SMC5: variants seen among roughly 807,000 people sequenced by gnomAD.
SMC5 encodes the protein structural maintenance of chromosomes protein 5.
Under a neutral mutation model 148.3 loss-of-function variants are expected in SMC5, and 88 were observed. That is an observed-to-expected ratio of 0.59 (90% CI 0.50 to 0.71). The LOEUF (loss-of-function observed/expected upper bound fraction) is 0.71. SMC5 is among the 30% of genes least tolerant of loss of function. SMC5 has a pLI of 0.00. For synonymous variants in SMC5, 421 were observed against 432.8 expected (o/e 0.97, Z 0.34); for missense variants, 1,142 against 1,298.9 (o/e 0.88, Z 1.86).
chr9:70,267,446 A>G (rs2034319902), intron 2 of SMC5, among the ~76,000 whole-genome samples: 2 of 152,180 alleles, frequency 1.3e-5, no homozygotes, highest in African/African-American at 4.8e-5. Context: ...TTAACAGGAT[A>G]GGTAATATTA....
intron 10 of SMC5, among the ~76,000 whole-genome samples, 164 bp downstream of exon 10, chr9:70,300,364 A>G (rs2035327011): frequency 6.6e-6 from 1 of 152,106 alleles, no homozygotes; most frequent in Non-Finnish European, 1.5e-5. Context: ...AGGTCCCCTG[A>G]TCAATGAGGG....
chr9:70,352,351 C>G lies in SMC5; in HGVS notation c.*20C>G, dbSNP rs777995132. The G allele has an allele frequency of 1.3e-5, 21 of 1,567,796 alleles. No individual in the cohort carries two copies. The highest frequency in any genetic ancestry group is 1.8e-5 in the Non-Finnish European group (21 of 1,160,636). ...TCTTAATAAAAGTAAAGAGAGGGAA[C>G]TTGGGAATTTTTTTTGTTAAATTCT... On this transcript the variant is annotated 3_prime_UTR_variant, in exon 25 of 25. Coordinates refer to ENST00000361138, the MANE Select transcript of SMC5 (RefSeq NM_015110.4).
chr9:70,268,105 A>G (rs1417969386), intron 3 of SMC5, 130 bp downstream of exon 3: 9 of 689,596 alleles, frequency 1.3e-5, no homozygotes, highest in Non-Finnish European at 2.0e-5. Flanking sequence ...TATTTAAAGA[A>G]TACTTAATCC....
chr9:70,334,947 A>C (rs2036320910), intron 17 of SMC5, among the ~76,000 whole-genome samples: 1 of 152,214 alleles, frequency 6.6e-6, no homozygotes, highest in Admixed American at 6.5e-5. Context: ...TTTATATTAA[A>C]GGCATGAGTT....
In SMC5 at chr9:70,259,075, C is replaced by A; in HGVS notation, c.-4C>A. 6 of 1,601,588 alleles carry A rather than the reference C, an allele frequency of 3.7e-6. No homozygotes were observed. The highest frequency in any genetic ancestry group is 4.3e-6 in the Non-Finnish European group (5 of 1,173,030). The stretch of plus-strand genomic sequence containing the variant: ...AGTCGCTGTGGGACGCTGAGGAAGC[C>A]AGGATGGCGACTCCGAGCAAGAAGA... On this transcript the variant is annotated 5_prime_UTR_variant, in exon 1 of 25. Coordinates refer to ENST00000361138, the MANE Select transcript of SMC5 (RefSeq NM_015110.4).
intron 3 of SMC5, among the ~76,000 whole-genome samples, chr9:70,269,590 C>CA (rs903470720): frequency 4.7e-4 from 71 of 151,766 alleles, no homozygotes; most frequent in Middle Eastern, 3.4e-3. Flanking sequence ...GCAAAAAAAA[C>CA]AAAAACAAAA....
At chr9:70,286,070 G>A (rs886748320) in intron 7 of SMC5, 130 bp from the exon 8 acceptor site, 4 of 656,810 alleles carry the variant, frequency 6.1e-6, no homozygotes, top group African/African-American at 1.9e-5. Context: ...GTATTTTGTT[G>A]ATAATTATGG....
At chr9:70,340,941 TG>T (rs921365678) in intron 17 of SMC5, among the ~76,000 whole-genome samples, 1 of 152,118 alleles carries the variant, frequency 6.6e-6, no homozygotes, top group African/African-American at 2.4e-5. Context: ...GAGATGTTAG[TG>T]GGGGATATTT....
intron 15 of SMC5, among the ~76,000 whole-genome samples, chr9:70,321,406 T>TC (rs1469299064): frequency 1.5e-5 from 2 of 132,350 alleles, no homozygotes; most frequent in African/African-American, 5.0e-5. Flanking sequence ...TTTTTTTTTT[T>TC]TTTTGAGACG....
chr9:70,339,211 C>T (rs1411531799), intron 17 of SMC5, among the ~76,000 whole-genome samples: 1 of 151,990 alleles, frequency 6.6e-6, no homozygotes, highest in Non-Finnish European at 1.5e-5. Flanking sequence ...GGGTGGATCA[C>T]GAGGTCGGGA....
At chr9:70,291,862 T>G (rs1315980504) in intron 8 of SMC5, among the ~76,000 whole-genome samples, 1 of 151,922 alleles carries the variant, frequency 6.6e-6, no homozygotes, top group Non-Finnish European at 1.5e-5. Context: ...TTTTTTGCCA[T>G]TATAAAAGAG....
rs754493614 is a variant in SMC5 at position 70,318,781 on chromosome 9, A to C, written c.1981-13A>C. Reference sequence around the variant, plus strand: ...TTTTTTAAATATGTTAACAATTTTTAAATATTTTATAGGAAATTCATAGAA... The same window carrying C: ...TTTTTTAAATATGTTAACAATTTTTCAATATTTTATAGGAAATTCATAGAA... On this transcript the variant is annotated splice_polypyrimidine_tract_variant and intron_variant, in intron 14 of 24. Transcript: ENST00000361138. 2.6e-6 allele frequency: 4 copies of C among 1,551,156 alleles called. No homozygotes were observed. Among genetic ancestry groups the C allele is most frequent in the African/African-American group, 2.8e-5 (2 of 71,100 alleles).
At chr9:70,265,589 T>A (rs536037439) in intron 2 of SMC5, among the ~76,000 whole-genome samples, 2 of 152,266 alleles carry the variant, frequency 1.3e-5, no homozygotes, top group South Asian at 4.1e-4. Context: ...AATGGAGAAA[T>A]GAAACAATGT....
chr9:70,285,659 G>A (rs1405127329), intron 7 of SMC5, among the ~76,000 whole-genome samples: 2 of 152,056 alleles, frequency 1.3e-5, no homozygotes, highest in African/African-American at 4.8e-5. Context: ...CTATAATGTT[G>A]TTTTCTGTAT....
chr9:70,348,085 A>G (rs757090967), intron 22 of SMC5, 47 bp downstream of exon 22: 2 of 1,406,234 alleles, frequency 1.4e-6, no homozygotes, highest in Non-Finnish European at 9.6e-7. Context: ...AATAATTTTA[A>G]TTATATGCTT....
intron 22 of SMC5, among the ~76,000 whole-genome samples, chr9:70,349,529 C>G (rs1038315167): frequency 1.3e-5 from 2 of 152,290 alleles, no homozygotes; most frequent in African/African-American, 4.8e-5. Context: ...CTATTACGTG[C>G]CAGGCTTGCT....
chr9:70,334,169 A>G (rs983430557), intron 17 of SMC5, among the ~76,000 whole-genome samples: 7 of 150,898 alleles, frequency 4.6e-5, no homozygotes, highest in African/African-American at 1.5e-4. Context: ...AGGGATTTCA[A>G]TGGGGAAAGA....
In SMC5 at chr9:70,323,588, A is replaced by G. The variant is rs1345170928; in HGVS notation, c.2256A>G (p.Glu752=). ...INVQKAKLVT[E]LTNLIKICTS... ...TTCAAAAAGCGAAACTTGTTACCGAATTAACAAACCTAATAAAGGTAAGGT... is the reference window on the plus strand; with the variant it reads ...TTCAAAAAGCGAAACTTGTTACCGAGTTAACAAACCTAATAAAGGTAAGGT... Residue 752 remains glutamate, a synonymous_variant, in exon 16 of 25, where the codon GAA becomes GAG. Coordinates refer to ENST00000361138, the MANE Select transcript of SMC5 (RefSeq NM_015110.4). The G allele has an allele frequency of 1.2e-6, 2 of 1,612,210 alleles. No individual in the cohort carries two copies. The highest frequency in any genetic ancestry group is 2.7e-5 in the African/African-American group (2 of 74,862).
chr9:70,280,628 A>T, intron 5 of SMC5, 131 bp from the exon 6 acceptor site: 1 of 787,928 alleles, frequency 1.3e-6, no homozygotes, highest in Non-Finnish European at 2.0e-6. Flanking sequence ...GCTGGAGTCT[A>T]CATAGTTCTT....
Sources: gnomAD v4.1 joint callset for allele counts (sites outside exome capture counted in the v4.1 genomes callset) on GRCh38, gnomAD v4.1.1 for gene constraint, MANE v1.5 for transcripts, NCBI Gene and HGNC (gene_info 2026-07-23, HGNC 2026-07-21) for gene names.